Variants in SLC35A5 observed in about 807,000 individuals in gnomAD.
SLC35A5 encodes the protein solute carrier family 35 member A5, also known as UDP-sugar transporter protein SLC35A5.
In SLC35A5, 28 loss-of-function variants were observed where a neutral mutation model predicts 36.3. The ratio of observed to expected loss-of-function variants is 0.77; its 90% CI spans 0.57 to 1.06. SLC35A5 has a LOEUF of 1.06. SLC35A5 is among the 50% of genes least tolerant of loss of function. SLC35A5 has a pLI of 0.00. For missense variants in SLC35A5, 521 were observed against 499.3 expected (o/e 1.04, Z -0.41); for synonymous variants, 180 against 173.7 (o/e 1.04, Z -0.29).
rs1280038023 is a variant in SLC35A5 at position 112,585,210 on chromosome 3, T to C, written c.*2474T>C. 1 of 151,652 alleles carries C rather than the reference T, an allele frequency of 6.6e-6. No individual in the cohort carries two copies. Among genetic ancestry groups the C allele is most frequent in the Non-Finnish European group, 1.5e-5 (1 of 67,948 alleles). The allele number at this position is 151,652 out of a possible 1,614,324, so 9.4% of individuals were successfully genotyped here. A position where few individuals can be genotyped will look rare whatever the true frequency, so the allele number is the denominator to read the frequency against. ...CTTCACAAGGCAGCAGGAGAGAGAGTGCCAACAGGGGAAATGGCAGATGCT... is the reference window on the plus strand; with the variant it reads ...CTTCACAAGGCAGCAGGAGAGAGAGCGCCAACAGGGGAAATGGCAGATGCT... On this transcript the variant is annotated 3_prime_UTR_variant, in exon 7 of 7. Coordinates refer to ENST00000492406, the MANE Select transcript of SLC35A5 (RefSeq NM_017945.5).
intron 1 of SLC35A5, among the ~76,000 whole-genome samples, chr3:112,562,711 A>G (rs941586039): frequency 2.6e-5 from 4 of 152,216 alleles, no homozygotes; most frequent in Non-Finnish European, 5.9e-5. Flanking sequence ...TCCGAGGGAA[A>G]AGAGGAGGAA....
chr3:112,571,025 A>G (rs1934412090), intron 4 of SLC35A5, among the ~76,000 whole-genome samples: 1 of 152,184 alleles, frequency 6.6e-6, no homozygotes, highest in Non-Finnish European at 1.5e-5. Context: ...CTCATCCAAG[A>G]AAACTTCCCT....
intron 4 of SLC35A5, among the ~76,000 whole-genome samples, chr3:112,571,908 G>GT (rs1239739284): frequency 1.4e-5 from 2 of 138,964 alleles, no homozygotes; most frequent in Non-Finnish European, 3.1e-5. Flanking sequence ...GAAAACAGGT[G>GT]TTTGACTTTC....
Position 112,580,906 on chromosome 3 carries a change from C to G in SLC35A5, c.789C>G (p.Ser263Arg). 1 of 1,614,128 alleles carries G rather than the reference C, an allele frequency of 6.2e-7. No homozygotes were observed. Among genetic ancestry groups the G allele is most frequent in the Non-Finnish European group, 8.5e-7 (1 of 1,179,982 alleles). The change falls in exon 6 of 7, where the codon AGC (serine) becomes AGG (arginine). Residue 263 changes from serine to arginine, a missense_variant. Transcript: ENST00000492406. ...ILKEGNQLTE[S>R]IFIQNSKLYF... ...AGGAAGGGAACCAGCTCACTGAAAG[C>G]ATCTTCATACAGAACAGCAAACTCT...
chr3:112,562,029 C>A, upstream of SLC35A5: 1 of 169,412 alleles, frequency 5.9e-6, no homozygotes, highest in South Asian at 1.3e-4. Flanking sequence ...TTCTCCCCTC[C>A]TTCCGGAAGC....
chr3:112,570,892 G>A (rs971747437), intron 4 of SLC35A5, among the ~76,000 whole-genome samples: 31 of 152,096 alleles, frequency 2.0e-4, no homozygotes, highest in Admixed American at 2.0e-3. Flanking sequence ...TGACTACCAT[G>A]GGGGAGTTGC....
At chr3:112,564,865 CA>C (rs1442228613) in intron 2 of SLC35A5, among the ~76,000 whole-genome samples, 3 of 152,202 alleles carry the variant, frequency 2.0e-5, no homozygotes, top group Non-Finnish European at 4.4e-5. Context: ...GCCCTTAATC[CA>C]TTTAACCCTG....
intron 5 of SLC35A5, 112 bp downstream of exon 5, chr3:112,574,068 C>A: frequency 1.1e-6 from 1 of 951,506 alleles, no homozygotes; most frequent in Non-Finnish European, 1.6e-6. Flanking sequence ...GGATTTTGTT[C>A]CTAATTGACT....
rs780374560 is a variant in SLC35A5, at chr3:112,581,206, C to T, written c.1089C>T (p.Ala363=). 1.2e-6 allele frequency: 2 copies of T among 1,613,638 alleles called. No homozygotes were observed. Among genetic ancestry groups the T allele is most frequent in the African/African-American group, 2.7e-5 (2 of 74,786 alleles). Residue 363 remains alanine (A), a synonymous_variant, in exon 6 of 7, where the codon GCC becomes GCT. Coordinates refer to ENST00000492406, the MANE Select transcript of SLC35A5 (RefSeq NM_017945.5). ...CCTCCCTGGAATTTTTCTTGGAAGC[C>T]CCATCAGTCCTTCTCTCTATATTTA... ...FRPSLEFFLE[A]PSVLLSIFIY...
rs142107337 is a variant in SLC35A5, at chr3:112,580,863, A to G, written c.746A>G (p.Tyr249Cys). The change falls in exon 6 of 7, where the codon TAT becomes TGT. Residue 249 changes from tyrosine to cysteine, a missense_variant. By Grantham distance (194) the Tyr-to-Cys change is radical. Transcript: ENST00000492406. ...QCFISSMANIYNEKILKEGNQ... is the reference protein window; with the variant it reads ...QCFISSMANICNEKILKEGNQ... ...TTTATTTCTTCAATGGCTAATATCT[A>G]TAATGAAAAGATACTGAAGGAAGGG... The G allele has an allele frequency of 2.5e-3, 3,996 of 1,614,182 alleles. 7 individuals carry two copies. Among genetic ancestry groups the G allele is most frequent in the Non-Finnish European group, 3.0e-3 (3,586 of 1,180,004 alleles).
At chr3:112,567,274 G>A (rs569195302) in intron 2 of SLC35A5, among the ~76,000 whole-genome samples, 5 of 151,838 alleles carry the variant, frequency 3.3e-5, no homozygotes, top group Non-Finnish European at 5.9e-5. Context: ...ATACACTAAA[G>A]CCAAAGGAAA....
At chr3:112,563,612 A>G in intron 2 of SLC35A5, 79 bp downstream of exon 2, 3 of 1,331,972 alleles carry the variant, frequency 2.3e-6, no homozygotes, top group South Asian at 4.4e-5. Flanking sequence ...TCTGTTATAT[A>G]TAACATGGAA....
intron 1 of SLC35A5, among the ~76,000 whole-genome samples, chr3:112,562,998 T>A (rs1162302785): frequency 6.6e-6 from 1 of 152,204 alleles, no homozygotes; most frequent in African/African-American, 2.4e-5. Context: ...AGGTAGGGGT[T>A]GCAGTGAGCC....
chr3:112,564,012 A>G (rs1459643523), intron 2 of SLC35A5: 1 of 152,352 alleles, frequency 6.6e-6, no homozygotes, highest in Non-Finnish European at 1.5e-5. Flanking sequence ...ATCTTTTTTT[A>G]TGTAGGGATT....
chr3:112,570,149 G>A (rs985787956), intron 3 of SLC35A5, among the ~76,000 whole-genome samples: 3 of 151,228 alleles, frequency 2.0e-5, no homozygotes, highest in South Asian at 2.1e-4. Flanking sequence ...TATAAATTTC[G>A]ATTTAGTATC....
intron 4 of SLC35A5, among the ~76,000 whole-genome samples, chr3:112,572,918 T>C (rs544840463): frequency 6.6e-6 from 1 of 152,288 alleles, no homozygotes; most frequent in Non-Finnish European, 1.5e-5. Flanking sequence ...CTTACTCATC[T>C]CCTAACTAGG....
chr3:112,563,503 A>G lies in SLC35A5; in HGVS notation c.100A>G (p.Ile34Val). The G allele has an allele frequency of 3.7e-6, 6 of 1,606,996 alleles. No individual in the cohort carries two copies. The highest frequency in any genetic ancestry group is 5.1e-6 in the Non-Finnish European group (6 of 1,174,648). The change falls in exon 2 of 7, where the codon ATC becomes GTC. Residue 34 changes from isoleucine (I) to valine (V), a missense_variant. Coordinates refer to ENST00000492406, the MANE Select transcript of SLC35A5 (RefSeq NM_017945.5). ...ATTCATTGCTTTAAGCTCAAGTCGC[A>G]TCTTACTAGTGAAGTATTCTGCCAA... Reference protein sequence around the residue: ...AIFIALSSSRILLVKYSANEE... With the variant: ...AIFIALSSSRVLLVKYSANEE...
chr3:112,582,664 C>T lies in SLC35A5; in HGVS notation c.1210-7C>T. The stretch of plus-strand genomic sequence containing the variant: ...GTTCTAATTACTGCTTTCATGTTTC[C>T]TTTTAGGATGGAGAAGAACTAGAAA... On this transcript the variant is annotated splice_region_variant and splice_polypyrimidine_tract_variant and intron_variant, in intron 6 of 6. Transcript: ENST00000492406. 6.2e-7 allele frequency: 1 copy of T among 1,609,242 alleles called. No individual in the cohort carries two copies. Among genetic ancestry groups the T allele is most frequent in the Non-Finnish European group, 8.5e-7 (1 of 1,176,710 alleles).
In SLC35A5 at chr3:112,571,923, G is replaced by GTT. The variant is rs58561218; in HGVS notation, c.360+1282_360+1283dup. On this transcript the variant is annotated intron_variant, in intron 4 of 6. Transcript: ENST00000492406. ...GAAAACAGGTGTTTGACTTTCCACAGTTTTTTTTTTTTTTTTTTTTTTTTT... is the reference window on the plus strand; with the variant it reads ...GAAAACAGGTGTTTGACTTTCCACAGTTTTTTTTTTTTTTTTTTTTTTTTTTT... Among the ~76,000 whole-genome samples the GTT allele has an allele frequency of 3.0e-3, 163 of 53,854 alleles. 14 individuals are homozygous for GTT. The highest frequency in any genetic ancestry group is 4.0e-3 in the Non-Finnish European group (119 of 29,682). 35.3% of individuals were successfully genotyped at this position (53,854 alleles called of 152,430 possible).
Sources: gnomAD v4.1 joint callset for allele counts (sites outside exome capture counted in the v4.1 genomes callset) on GRCh38, gnomAD v4.1.1 for gene constraint, MANE v1.5 for transcripts, NCBI Gene and HGNC (gene_info 2026-07-23, HGNC 2026-07-21) for gene names.